Variants in TAS2R1 observed in about 807,000 individuals in gnomAD.
The protein encoded by TAS2R1 is taste 2 receptor member 1.
For missense variants in TAS2R1, 370 were observed against 353.4 expected (o/e 1.05, Z -0.38); for synonymous variants, 141 against 134.2 (o/e 1.05, Z -0.35).
the TAS2R1 span, among the ~76,000 whole-genome samples, chr5:9,805,520 C>A: frequency 1.4e-4 from 22 of 152,092 alleles, no homozygotes; most frequent in Admixed American, 1.4e-3. Context: ...CTAACAGAAT[C>A]TAACAGCATA....
chr5:9,870,433 G>A, the TAS2R1 span, among the ~76,000 whole-genome samples: 2 of 152,140 alleles, frequency 1.3e-5, no homozygotes. Flanking sequence ...ACCCTCCCAT[G>A]AAAAGGTATA....
the TAS2R1 span, among the ~76,000 whole-genome samples, chr5:9,870,716 G>A: frequency 1.3e-5 from 2 of 152,112 alleles, no homozygotes; most frequent in Non-Finnish European, 2.9e-5. Context: ...CCCCCAAAAG[G>A]GTAAGTAGTC....
At chr5:9,880,028 G>C in the TAS2R1 span, among the ~76,000 whole-genome samples, 1 of 152,090 alleles carries the variant, frequency 6.6e-6, no homozygotes, top group Non-Finnish European at 1.5e-5. Flanking sequence ...ACAAGCCCCT[G>C]AAGAAGCCAT....
chr5:9,629,060 T>C lies in TAS2R1; in HGVS notation c.*73A>G, dbSNP rs1024910745. 13 of 1,448,988 alleles carry C rather than the reference T, an allele frequency of 9.0e-6. No individual in the cohort carries two copies. The highest frequency in any genetic ancestry group is 2.8e-5 in the African/African-American group (2 of 70,586). 89.8% of individuals were successfully genotyped at this position (1,448,988 alleles called of 1,614,324 possible). A position where few individuals can be genotyped will look rare whatever the true frequency, so the allele number is the denominator to read the frequency against. On this transcript the variant is annotated 3_prime_UTR_variant, in exon 1 of 1. Transcript: ENST00000382492. Reference sequence around the variant, plus strand: ...ATATTTATGAACAGGCTGCTTTGTCTGGCTGAGGGAAGTGTGGCAGGCATG... The same window carrying C: ...ATATTTATGAACAGGCTGCTTTGTCCGGCTGAGGGAAGTGTGGCAGGCATG...
chr5:9,793,484 G>A, the TAS2R1 span, among the ~76,000 whole-genome samples: 1 of 152,166 alleles, frequency 6.6e-6, no homozygotes, highest in Non-Finnish European at 1.5e-5. Context: ...AGGGACAGAT[G>A]GAGAAGGACA....
At chr5:9,726,965 C>T in the TAS2R1 span, among the ~76,000 whole-genome samples, 530 of 152,254 alleles carry the variant, frequency 3.5e-3, 1 homozygote, top group African/African-American at 0.012. Context: ...ACAGAGGGGC[C>T]CATCATCAAT....
chr5:9,714,982 G>A (rs369350751), upstream of TAS2R1, among the ~76,000 whole-genome samples: 8 of 152,322 alleles, frequency 5.3e-5, no homozygotes, highest in East Asian at 3.9e-4. Flanking sequence ...TCAGCCAATG[G>A]GGAATTGATG....
chr5:9,712,630 C>T (rs1465063800), upstream of TAS2R1, among the ~76,000 whole-genome samples: 1 of 152,202 alleles, frequency 6.6e-6, no homozygotes, highest in African/African-American at 2.4e-5. Context: ...AACACCAACT[C>T]ATACCTGAAT....
At chr5:9,643,217 T>C (rs1740120960) in intron 2 of TAS2R1, among the ~76,000 whole-genome samples, 1 of 152,178 alleles carries the variant, frequency 6.6e-6, no homozygotes, top group Non-Finnish European at 1.5e-5. Context: ...GCAAACATCA[T>C]AGAGTGCACT....
chr5:9,701,630 A>T lies in TAS2R1; in HGVS notation c.-242+10542T>A, dbSNP rs1012954502. 6.6e-5 allele frequency among the ~76,000 whole-genome samples: 10 copies of T among 152,342 alleles called. No individual in the cohort carries two copies. The East Asian group carries it at 1.9e-3, about 29-fold the overall frequency. ...TAGAAATGATCAATGATGATTAGACAAATACTAATTTTAAAGCATATCTAT... is the reference window on the plus strand; with the variant it reads ...TAGAAATGATCAATGATGATTAGACTAATACTAATTTTAAAGCATATCTAT... On this transcript the variant is annotated intron_variant, in intron 1 of 2. Transcript: ENST00000506620.
chr5:9,840,618 AG>A, the TAS2R1 span, among the ~76,000 whole-genome samples: 1 of 151,908 alleles, frequency 6.6e-6, no homozygotes, highest in African/African-American at 2.4e-5. Context: ...TTAGATCCCA[AG>A]GCTTTATCAT....
At chr5:9,873,999 GAAGA>G in the TAS2R1 span, among the ~76,000 whole-genome samples, 2 of 144,090 alleles carry the variant, frequency 1.4e-5, no homozygotes, top group Non-Finnish European at 3.1e-5. Flanking sequence ...AGAGAGGAAG[GAAGA>G]AAGGAAGGAA....
chr5:9,779,531 G>C, the TAS2R1 span, among the ~76,000 whole-genome samples: 1 of 152,152 alleles, frequency 6.6e-6, no homozygotes, highest in African/African-American at 2.4e-5. Context: ...ATATTATTCT[G>C]TATCATGTAA....
the TAS2R1 span, among the ~76,000 whole-genome samples, chr5:9,888,654 A>T: frequency 1.2e-4 from 19 of 152,224 alleles, no homozygotes; most frequent in Non-Finnish European, 2.5e-4. Context: ...TCACAAGCTT[A>T]CAGTCTGATT....
the TAS2R1 span, among the ~76,000 whole-genome samples, chr5:9,826,797 T>C: frequency 6.6e-6 from 1 of 151,900 alleles, no homozygotes; most frequent in East Asian, 1.9e-4. Context: ...TGGCATTTAC[T>C]GGTCACCCCT....
chr5:9,675,362 G>T (rs1315025310), intron 1 of TAS2R1, among the ~76,000 whole-genome samples: 1 of 149,538 alleles, frequency 6.7e-6, no homozygotes, highest in African/African-American at 2.5e-5. Context: ...ATTCATTCTT[G>T]TATGTTTATT....
the TAS2R1 span, among the ~76,000 whole-genome samples, chr5:9,772,848 A>G: frequency 1.3e-5 from 2 of 152,100 alleles, no homozygotes; most frequent in Admixed American, 1.3e-4. Flanking sequence ...TGCATGGAAT[A>G]TCTTTTTCCA....
chr5:9,854,025 A>T, the TAS2R1 span, among the ~76,000 whole-genome samples: 1 of 152,208 alleles, frequency 6.6e-6, no homozygotes, highest in Non-Finnish European at 1.5e-5. Context: ...TAGATGGCTT[A>T]AACAACAGTG....
chr5:9,677,926 G>T (rs955269200), intron 1 of TAS2R1, among the ~76,000 whole-genome samples: 1 of 152,102 alleles, frequency 6.6e-6, no homozygotes, highest in Non-Finnish European at 1.5e-5. Flanking sequence ...AACTAGTTAG[G>T]CATGGTGGCT....
Sources: gnomAD v4.1 joint callset for allele counts (sites outside exome capture counted in the v4.1 genomes callset) on GRCh38, gnomAD v4.1.1 for gene constraint, MANE v1.5 for transcripts, NCBI Gene and HGNC (gene_info 2026-07-23, HGNC 2026-07-21) for gene names.